Variants in ZZZ3 observed in about 807,000 individuals in gnomAD.
The protein encoded by ZZZ3 is ZZ-type zinc finger-containing protein 3.
Under a neutral mutation model 95.2 loss-of-function variants are expected in ZZZ3, and 22 were observed. The ratio of observed to expected loss-of-function variants is 0.23; its 90% confidence interval spans 0.17 to 0.33. The LOEUF is 0.33. Among genes scored for constraint, ZZZ3 ranks in the 10% least tolerant of loss-of-function variants. The pLI is 1.00. For synonymous variants in ZZZ3, 335 were observed against 358.9 expected (o/e 0.93, Z 0.75); for missense variants, 885 against 1,066.5 (o/e 0.83, Z 2.37).
chr1:77,571,645 T>G (rs889044950), intron 12 of ZZZ3, among the ~76,000 whole-genome samples: 1 of 152,208 alleles, frequency 6.6e-6, no homozygotes, highest in Non-Finnish European at 1.5e-5. Flanking sequence ...GGATGAACCT[T>G]GAAGACCATA....
At chr1:77,633,579 T>C (rs1668024414) in intron 4 of ZZZ3, among the ~76,000 whole-genome samples, 174 bp from the exon 5 acceptor site, 1 of 152,218 alleles carries the variant, frequency 6.6e-6, no homozygotes, top group East Asian at 1.9e-4. Flanking sequence ...TTTCCAATAA[T>C]GATATAAATT....
chr1:77,563,668 T>C lies in ZZZ3; in HGVS notation c.*1972A>G, dbSNP rs906773693. 6 of 152,168 alleles carry C rather than the reference T, an allele frequency of 3.9e-5. No homozygotes were observed. The highest frequency in any genetic ancestry group is 1.4e-4 in the African/African-American group (6 of 41,448). 9.4% of individuals were successfully genotyped at this position (152,168 alleles called of 1,614,324 possible). On this transcript the variant is annotated 3_prime_UTR_variant, in exon 15 of 15. Transcript: ENST00000370801. ...TATTATTTCTACACAAACATAGAAG[T>C]TACCATCAAGCATTACTATCTTGCC...
In ZZZ3 at chr1:77,633,105, T is replaced by C. The variant is rs375066082; in HGVS notation, c.250A>G (p.Arg84Gly). The C allele has an allele frequency of 6.5e-5, 105 of 1,613,888 alleles. No individual in the cohort carries two copies. Among genetic ancestry groups the C allele is most frequent in the Non-Finnish European group, 8.3e-5 (98 of 1,180,018 alleles). Residue 84 changes from arginine to glycine, a missense_variant, in exon 5 of 15, where the codon AGG (arginine) becomes GGG (glycine). Arg to Gly is a moderately radical substitution (Grantham distance 125, BLOSUM62 -2). Around this residue, in one of 5 missense-constraint regions of ZZZ3, gnomAD observed 556 missense variants for 652.9 expected, o/e 0.85. Coordinates refer to ENST00000370801, the MANE Select transcript of ZZZ3 (RefSeq NM_015534.6). ...QSTRESWVSP[R>G]KRGLSSSEKD... Reference sequence around the variant, plus strand: ...TCTGAAGAAGAAAGTCCTCTTTTCCTAGGGCTTACCCATGATTCTCGGGTA... The same window carrying C: ...TCTGAAGAAGAAAGTCCTCTTTTCCCAGGGCTTACCCATGATTCTCGGGTA...
At chr1:77,594,665 A>G (rs551258049) in intron 5 of ZZZ3, among the ~76,000 whole-genome samples, 1 of 152,074 alleles carries the variant, frequency 6.6e-6, no homozygotes, top group African/African-American at 2.4e-5. Flanking sequence ...CTAAAGGAAC[A>G]TACAAGCCTC....
intron 5 of ZZZ3, among the ~76,000 whole-genome samples, chr1:77,621,542 ATGGTGCCTC>A (rs1666862383): frequency 6.6e-6 from 1 of 150,742 alleles, no homozygotes; most frequent in Non-Finnish European, 1.5e-5. Context: ...AAGTCCAGGC[ATGGTGCCTC>A]ACACCTGCAA....
At chr1:77,638,510 G>A (rs1378958506) in intron 4 of ZZZ3, among the ~76,000 whole-genome samples, 2 of 152,110 alleles carry the variant, frequency 1.3e-5, no homozygotes, top group African/African-American at 4.8e-5. Context: ...ATTTACTTAA[G>A]AGAAAGAAAT....
chr1:77,625,065 G>C (rs1667217792), intron 5 of ZZZ3, among the ~76,000 whole-genome samples: 1 of 152,022 alleles, frequency 6.6e-6, no homozygotes, highest in Non-Finnish European at 1.5e-5. Flanking sequence ...AGTGAGTATA[G>C]AAGGAAAAAA....
intron 5 of ZZZ3, among the ~76,000 whole-genome samples, chr1:77,630,806 T>A (rs980559038): frequency 6.6e-6 from 1 of 152,140 alleles, no homozygotes; most frequent in Non-Finnish European, 1.5e-5. Context: ...AAAAAAAATA[T>A]TATGTCCCAC....
At chr1:77,667,190 T>C (rs1671318111) in intron 1 of ZZZ3, among the ~76,000 whole-genome samples, 1 of 152,196 alleles carries the variant, frequency 6.6e-6, no homozygotes, top group Non-Finnish European at 1.5e-5. Context: ...TCAATATTAT[T>C]TTAGAAAAGC....
At chr1:77,667,656 G>C (rs1671359703) in intron 1 of ZZZ3, among the ~76,000 whole-genome samples, 1 of 151,716 alleles carries the variant, frequency 6.6e-6, no homozygotes, top group East Asian at 1.9e-4. Flanking sequence ...GTGAATGAAA[G>C]AATGTTTCCT....
intron 5 of ZZZ3, among the ~76,000 whole-genome samples, chr1:77,592,248 G>C (rs140240919): frequency 6.6e-6 from 1 of 152,292 alleles, no homozygotes; most frequent in African/African-American, 2.4e-5. Flanking sequence ...ATCCTGTCTA[G>C]AGAAATATGT....
At chr1:77,636,318 T>C (rs1464044658) in intron 4 of ZZZ3, among the ~76,000 whole-genome samples, 1 of 152,212 alleles carries the variant, frequency 6.6e-6, no homozygotes, top group East Asian at 1.9e-4. Flanking sequence ...AAATTTGCCT[T>C]GCAGTACAAA....
At chr1:77,629,704 A>G (rs1667624249) in intron 5 of ZZZ3, among the ~76,000 whole-genome samples, 1 of 152,140 alleles carries the variant, frequency 6.6e-6, no homozygotes, top group South Asian at 2.1e-4. Flanking sequence ...AGAATCAGTA[A>G]TTTTTTCCCC....
chr1:77,595,921 T>C (rs1026617467), intron 5 of ZZZ3, among the ~76,000 whole-genome samples: 6 of 152,036 alleles, frequency 3.9e-5, no homozygotes, highest in Non-Finnish European at 7.4e-5. Flanking sequence ...GCATTCAAGA[T>C]ACGAATACTT....
chr1:77,566,205 T>C (rs1660809317), intron 13 of ZZZ3, 24 bp from the exon 14 acceptor site: 1 of 1,524,616 alleles, frequency 6.6e-7, no homozygotes, highest in South Asian at 1.2e-5. Context: ...AGAGAGAAAA[T>C]GTATTAAGTT....
At chr1:77,576,657 T>C (rs1006688822) in intron 11 of ZZZ3, among the ~76,000 whole-genome samples, 1 of 152,168 alleles carries the variant, frequency 6.6e-6, no homozygotes, top group Admixed American at 6.5e-5. Flanking sequence ...TTATCTAACA[T>C]TGATTGACTG....
At chr1:77,608,762 G>GT (rs1189171517) in intron 5 of ZZZ3, among the ~76,000 whole-genome samples, 2 of 152,102 alleles carry the variant, frequency 1.3e-5, no homozygotes, top group African/African-American at 4.8e-5. Context: ...AAAGTGTAGA[G>GT]TTTTTTTAAG....
chr1:77,680,735 G>C (rs1383960940), intron 1 of ZZZ3, among the ~76,000 whole-genome samples: 1 of 152,102 alleles, frequency 6.6e-6, no homozygotes, highest in Non-Finnish European at 1.5e-5. Flanking sequence ...TTTAATCACA[G>C]TGATAAACTT....
intron 5 of ZZZ3, among the ~76,000 whole-genome samples, chr1:77,600,239 T>C (rs1484207999): frequency 6.6e-6 from 1 of 152,166 alleles, no homozygotes; most frequent in East Asian, 1.9e-4. Flanking sequence ...ATAGAAGGCT[T>C]AAATAAGCCA....
Sources: allele counts gnomAD v4.1 joint callset (sites outside exome capture counted in the v4.1 genomes callset), GRCh38; gene constraint gnomAD v4.1.1; regional missense constraint gnomAD v4.1.1; transcripts MANE v1.5; gene names NCBI Gene and HGNC (gene_info 2026-07-23, HGNC 2026-07-21).